Variants in ABCA13 observed in about 807,000 individuals in gnomAD.
The protein encoded by ABCA13 is ATP binding cassette subfamily A member 13, also known as ATP-binding cassette sub-family A member 13.
In ABCA13, 476 loss-of-function variants were observed where a neutral mutation model predicts 478.7. The observed-to-expected ratio is 0.99, with a 90% CI of 0.92 to 1.07. The LOEUF (loss-of-function observed/expected upper bound fraction) is 1.07, where lower values mean the gene tolerates loss of function less well. Among genes scored for constraint, ABCA13 ranks in the 50% least tolerant of loss-of-function variants. ABCA13 has a pLI of 0.00. For missense variants in ABCA13, 6,060 were observed against 5,910.6 expected, an observed-to-expected ratio of 1.03 and a Z score of -0.83; for synonymous variants, 2,252 against 2,158.9, an observed-to-expected ratio of 1.04 and a Z score of -1.20.
rs949867252 is a variant in ABCA13 at position 48,286,665 on chromosome 7, C to T, written c.8837-1295C>T. ...GATTACAGGTGCCCGCCACCATGCC[C>T]GGTTAATTTTTGTATTTTTAGTAGA... is the stretch of plus-strand genomic sequence containing the variant. On this transcript the variant is annotated intron_variant, in intron 19 of 61. Transcript: ENST00000435803. Among the ~76,000 whole-genome samples, 10 of 151,860 alleles carry T rather than the reference C, an allele frequency of 6.6e-5. No homozygotes were observed. In the South Asian group the frequency reaches 8.3e-4, roughly 13 times the overall value.
intron 16 of ABCA13, 83 bp from the exon 17 acceptor site, chr7:48,271,704 A>C (rs1795630251): frequency 2.4e-6 from 2 of 834,992 alleles, no homozygotes; most frequent in South Asian, 5.1e-5. Flanking sequence ...TTTTACTATC[A>C]ATAAATGAGT....
At chr7:48,535,565 G>T (rs1371315131) in intron 55 of ABCA13, among the ~76,000 whole-genome samples, 1 of 152,196 alleles carries the variant, frequency 6.6e-6, no homozygotes, top group Non-Finnish European at 1.5e-5. Context: ...TGGGGCCATA[G>T]AGTTCCCAAG....
intron 48 of ABCA13, among the ~76,000 whole-genome samples, chr7:48,493,555 TG>T: frequency 6.6e-6 from 1 of 152,182 alleles, no homozygotes; most frequent in South Asian, 2.1e-4. Context: ...TTTGTGTTAT[TG>T]GGGGTGGTTG....
At chr7:48,191,409 A>T (rs1268046647) in intron 1 of ABCA13, among the ~76,000 whole-genome samples, 1 of 152,116 alleles carries the variant, frequency 6.6e-6, no homozygotes, top group Non-Finnish European at 1.5e-5. Flanking sequence ...TTTATTTTTA[A>T]TTTTTTAATT....
chr7:48,176,845 T>C (rs998063863), intron 1 of ABCA13, among the ~76,000 whole-genome samples: 4 of 152,238 alleles, frequency 2.6e-5, no homozygotes, highest in Non-Finnish European at 5.9e-5. Flanking sequence ...AAGTTTCAAC[T>C]ACTTTCTTTT....
intron 55 of ABCA13, among the ~76,000 whole-genome samples, chr7:48,568,190 T>TC (rs1787271561): frequency 6.6e-6 from 1 of 152,002 alleles, no homozygotes; most frequent in Admixed American, 6.6e-5. Flanking sequence ...CTCCATTGCG[T>TC]CCCCCCATTG....
chr7:48,305,680 G>A (rs777007433), intron 23 of ABCA13, among the ~76,000 whole-genome samples: 77 of 152,264 alleles, frequency 5.1e-4, no homozygotes, highest in Non-Finnish European at 6.9e-4. Context: ...AATGCGATTC[G>A]GGTTTCAGCA....
At chr7:48,409,164 T>G (rs1184239969) in intron 39 of ABCA13, among the ~76,000 whole-genome samples, 1 of 152,204 alleles carries the variant, frequency 6.6e-6, no homozygotes, top group Non-Finnish European at 1.5e-5. Context: ...GGAACAAGAA[T>G]CAGTCAATGA....
chr7:48,608,132 C>T (rs113253983), intron 58 of ABCA13, among the ~76,000 whole-genome samples: 11,124 of 152,104 alleles, frequency 0.073, 549 homozygotes, highest in Middle Eastern at 0.15. Context: ...CCACCCACCT[C>T]GGCTTCCCAA....
At chr7:48,568,889 G>A (rs1225481222) in intron 55 of ABCA13, among the ~76,000 whole-genome samples, 2 of 151,524 alleles carry the variant, frequency 1.3e-5, no homozygotes, top group East Asian at 3.9e-4. Flanking sequence ...GAATTTGTCC[G>A]TGTTATCTAA....
intron 27 of ABCA13, among the ~76,000 whole-genome samples, chr7:48,324,140 G>A (rs1803946316): frequency 6.6e-6 from 1 of 152,162 alleles, no homozygotes; most frequent in African/African-American, 2.4e-5. Flanking sequence ...CACAGATTGA[G>A]TGGCTTAAAC....
At position 48,272,016 on chromosome 7, in the gene ABCA13, G is replaced by C; in HGVS notation, c.2350G>C (p.Asp784His). 6.2e-7 allele frequency: 1 copy of C among 1,613,520 alleles called. No individual in the cohort carries two copies. Among genetic ancestry groups the C allele is most frequent in the Non-Finnish European group, 8.5e-7 (1 of 1,179,690 alleles). Residue 784 changes from aspartate to histidine, a missense_variant, in exon 17 of 62, where the codon GAC becomes CAC. Coordinates refer to ENST00000435803, the MANE Select transcript of ABCA13 (RefSeq NM_152701.5). The stretch of plus-strand genomic sequence containing the variant: ...AAATCATTTAAAAAGTTTAAAGAGA[G>C]ACCCATCTGCCACTGATGCTCAGAA... ...WTNHLKSLKR[D>H]PSATDAQKLL... is the part of the protein sequence containing the mutation.
chr7:48,512,108 A>G (rs1831737641), intron 51 of ABCA13, among the ~76,000 whole-genome samples: 1 of 152,044 alleles, frequency 6.6e-6, no homozygotes, highest in Admixed American at 6.6e-5. Flanking sequence ...AGAGAGGGAA[A>G]GAGACACTAA....
intron 41 of ABCA13, among the ~76,000 whole-genome samples, chr7:48,419,081 C>G (rs2129114662): frequency 6.6e-6 from 1 of 152,192 alleles, no homozygotes; most frequent in South Asian, 2.1e-4. Context: ...TTTAAACAAC[C>G]AGATCTCACA....
chr7:48,420,614 C>T (rs1820612516), intron 41 of ABCA13, among the ~76,000 whole-genome samples: 1 of 151,988 alleles, frequency 6.6e-6, no homozygotes, highest in Non-Finnish European at 1.5e-5. Context: ...TAGTGGGTTC[C>T]CTTTGTACCT....
At chr7:48,523,240 T>C (rs1445045678) in intron 53 of ABCA13, among the ~76,000 whole-genome samples, 1 of 152,196 alleles carries the variant, frequency 6.6e-6, no homozygotes, top group Non-Finnish European at 1.5e-5. Context: ...GCTATATTTT[T>C]CTCATCGTCT....
At chr7:48,276,911 TACTA>T (rs1796380554) in intron 17 of ABCA13, among the ~76,000 whole-genome samples, 1 of 152,248 alleles carries the variant, frequency 6.6e-6, no homozygotes, top group Admixed American at 6.5e-5. Context: ...TGAATTGCTA[TACTA>T]ACTGTCTAAT....
At position 48,274,942 on chromosome 7, in the gene ABCA13, G is replaced by C. The variant is rs776390913; in HGVS notation, c.5276G>C (p.Gly1759Ala). Residue 1759 changes from glycine to alanine, a missense_variant, in exon 17 of 62, where the codon GGA becomes GCA. Physicochemically the swap from Gly to Ala is moderately conservative, Grantham distance 60. This residue lies in a region of ABCA13 where 4,423 missense variants were observed against 4,309.1 expected (regional missense o/e 1.03). Transcript: ENST00000435803. ...VLPHAVRLLQ[G>A]VPGKNITEGL... Reference sequence around the variant, plus strand: ...CCTCATGCTGTAAGGCTCCTGCAGGGAGTACCTGGTAAAAACATCACTGAA... The same window carrying C: ...CCTCATGCTGTAAGGCTCCTGCAGGCAGTACCTGGTAAAAACATCACTGAA... 1 of 1,613,778 alleles carries C rather than the reference G, an allele frequency of 6.2e-7. No individual in the cohort carries two copies. Among genetic ancestry groups the C allele is most frequent in the Admixed American group, 1.7e-5 (1 of 60,004 alleles).
chr7:48,181,960 C>A, intron 1 of ABCA13, among the ~76,000 whole-genome samples: 1 of 152,162 alleles, frequency 6.6e-6, no homozygotes, highest in East Asian at 1.9e-4. Flanking sequence ...CACCCTTCCT[C>A]TTTCCTCACT....
Sources: gnomAD v4.1 joint callset for allele counts (sites outside exome capture counted in the v4.1 genomes callset) on GRCh38, gnomAD v4.1.1 for gene constraint, gnomAD v4.1.1 regional missense constraint, MANE v1.5 for transcripts, NCBI Gene and HGNC (gene_info 2026-07-23, HGNC 2026-07-21) for gene names.